DAB1: variants seen among roughly 807,000 people sequenced by gnomAD.
DAB1 encodes disabled homolog 1.
DAB1 carries 15 observed loss-of-function variants against 64.6 expected under a neutral mutation model. That is an observed-to-expected ratio of 0.23 (90% CI 0.16 to 0.36). DAB1 has a LOEUF of 0.36. Among genes scored for constraint, DAB1 ranks in the 10% least tolerant of loss-of-function variants. DAB1 has a pLI of 1.00. For missense variants in DAB1, 596 were observed against 706.7 expected (o/e 0.84, Z 1.78); for synonymous variants, 235 against 251.9 (o/e 0.93, Z 0.64).
chr1:57,287,048 T>C (rs554120095), intron 2 of DAB1, among the ~76,000 whole-genome samples: 76 of 152,262 alleles, frequency 5.0e-4, no homozygotes, highest in Non-Finnish European at 8.8e-4. Flanking sequence ...AAATAATACA[T>C]AAAGGGGAAC....
At chr1:57,090,388 G>A (rs550225032) in intron 4 of DAB1, among the ~76,000 whole-genome samples, 2 of 152,130 alleles carry the variant, frequency 1.3e-5, no homozygotes, top group African/African-American at 2.4e-5. Context: ...AAATTAATCC[G>A]CAAAAGTAGG....
intron 7 of DAB1, among the ~76,000 whole-genome samples, chr1:57,634,355 G>A (rs1558560753): frequency 6.6e-6 from 1 of 152,154 alleles, no homozygotes; most frequent in Non-Finnish European, 1.5e-5. Context: ...TGGCTCCCTT[G>A]GGCAAGTTAT....
At chr1:58,167,374 C>T (rs948171567) in intron 4 of DAB1, among the ~76,000 whole-genome samples, 1 of 151,418 alleles carries the variant, frequency 6.6e-6, no homozygotes, top group African/African-American at 2.4e-5. Flanking sequence ...AAAAATGCAC[C>T]AATCAGTGTT....
chr1:57,556,075 G>C (rs1318222194), intron 7 of DAB1, among the ~76,000 whole-genome samples: 1 of 152,100 alleles, frequency 6.6e-6, no homozygotes, highest in Admixed American at 6.6e-5. Flanking sequence ...TATATAATAA[G>C]ATATGCTTTA....
At chr1:57,733,177 A>G (rs1284327357) in intron 6 of DAB1, among the ~76,000 whole-genome samples, 1 of 152,064 alleles carries the variant, frequency 6.6e-6, no homozygotes, top group Admixed American at 6.6e-5. Flanking sequence ...AGGCTGCCCT[A>G]AACTACCCTA....
intron 4 of DAB1, among the ~76,000 whole-genome samples, chr1:58,276,135 A>G (rs976746042): frequency 3.9e-5 from 6 of 152,206 alleles, no homozygotes; most frequent in Non-Finnish European, 7.4e-5. Flanking sequence ...GACAGAAAAT[A>G]GAATGGTGGT....
chr1:57,879,033 C>T (rs1296303570), intron 1 of DAB1, among the ~76,000 whole-genome samples: 3 of 152,056 alleles, frequency 2.0e-5, no homozygotes, highest in Non-Finnish European at 4.4e-5. Context: ...GAATACTATT[C>T]CATTTTGTAT....
intron 7 of DAB1, among the ~76,000 whole-genome samples, chr1:57,596,390 C>A (rs547042978): frequency 2.6e-5 from 4 of 152,318 alleles, no homozygotes; most frequent in South Asian, 4.1e-4. Flanking sequence ...CTCCGAGCAC[C>A]TGAACATAAG....
At chr1:58,473,183 G>A (rs1285744862) in intron 3 of DAB1, among the ~76,000 whole-genome samples, 1 of 152,172 alleles carries the variant, frequency 6.6e-6, no homozygotes, top group Non-Finnish European at 1.5e-5. Flanking sequence ...CAAGGCCAAG[G>A]TAAGTCTTAC....
chr1:58,021,582 A>G (rs138884840), intron 5 of DAB1, among the ~76,000 whole-genome samples: 32 of 152,300 alleles, frequency 2.1e-4, no homozygotes, highest in African/African-American at 7.2e-4. Flanking sequence ...ATGGAAAAAT[A>G]AGAGGACTGT....
chr1:57,547,838 T>C (rs2101467572), intron 7 of DAB1, among the ~76,000 whole-genome samples: 1 of 152,326 alleles, frequency 6.6e-6, no homozygotes, highest in African/African-American at 2.4e-5. Flanking sequence ...ATGGGAATTC[T>C]CTGTACTATC....
At chr1:58,039,715 G>C (rs1384884531) in intron 5 of DAB1, among the ~76,000 whole-genome samples, 1 of 152,256 alleles carries the variant, frequency 6.6e-6, no homozygotes, top group South Asian at 2.1e-4. Flanking sequence ...CGGTAGTGAA[G>C]AGTACAGGGG....
At chr1:58,404,773 G>T (rs1022112497) in intron 3 of DAB1, among the ~76,000 whole-genome samples, 16 of 152,162 alleles carry the variant, frequency 1.1e-4, no homozygotes, top group African/African-American at 3.1e-4. Flanking sequence ...TAACACACAG[G>T]GTGGCTAGGA....
At position 57,780,587 on chromosome 1, in the gene DAB1, GA is replaced by G. The variant is rs201300239; in HGVS notation, n.551+103411del. Among the ~76,000 whole-genome samples the G allele has an allele frequency of 4.7e-3, 503 of 108,020 alleles. 3 individuals are homozygous for G. The highest frequency in any genetic ancestry group is 0.014 in the African/African-American group (476 of 35,164). 70.9% of individuals were successfully genotyped at this position (108,020 alleles called of 152,430 possible). On this transcript the variant is annotated intron_variant and non_coding_transcript_variant, in intron 6 of 20. Transcript: ENST00000485760. Reference sequence around the variant, plus strand: ...ATTTTGAAAAGTGGAAGACAAAAAAGAAAAAAAATCCATATTTTGAAATGTA... The same window carrying G: ...ATTTTGAAAAGTGGAAGACAAAAAAGAAAAAAATCCATATTTTGAAATGTA...
At chr1:57,178,947 T>G (rs1020866219) in intron 2 of DAB1, among the ~76,000 whole-genome samples, 4 of 152,096 alleles carry the variant, frequency 2.6e-5, no homozygotes, top group Admixed American at 6.6e-5. Context: ...AAATACCATA[T>G]TTTAAAGGTT....
At chr1:57,290,183 A>C (rs1428077274) in intron 2 of DAB1, among the ~76,000 whole-genome samples, 3 of 152,176 alleles carry the variant, frequency 2.0e-5, no homozygotes, top group African/African-American at 7.2e-5. Context: ...TTTGGGAGTA[A>C]GAAAAGGCTC....
At chr1:57,446,215 A>G (rs957621573) in intron 7 of DAB1, among the ~76,000 whole-genome samples, 1 of 152,250 alleles carries the variant, frequency 6.6e-6, no homozygotes, top group Non-Finnish European at 1.5e-5. Flanking sequence ...CACTGTAGAT[A>G]CACCATTAAT....
chr1:57,488,461 G>A (rs2101266670), intron 7 of DAB1, among the ~76,000 whole-genome samples: 1 of 150,144 alleles, frequency 6.7e-6, no homozygotes, highest in African/African-American at 2.5e-5. Flanking sequence ...CAGATCACCT[G>A]AGGTCAGGAG....
At chr1:58,323,401 TC>T (rs1274316754) in intron 4 of DAB1, among the ~76,000 whole-genome samples, 1 of 152,140 alleles carries the variant, frequency 6.6e-6, no homozygotes, top group Non-Finnish European at 1.5e-5. Flanking sequence ...AAGTCTGTTC[TC>T]TTTTTAGTAT....
Sources: allele counts gnomAD v4.1 joint callset (sites outside exome capture counted in the v4.1 genomes callset), GRCh38; gene constraint gnomAD v4.1.1; transcripts MANE v1.5; gene names NCBI Gene and HGNC (gene_info 2026-07-23, HGNC 2026-07-21).